The following CCDC60 variants were observed in gnomAD, a reference collection of about 807,000 sequenced individuals.
CCDC60 encodes coiled-coil domain containing 60, also known as coiled-coil domain-containing protein 60.
A neutral mutation model predicts 63.5 loss-of-function variants in CCDC60; 54 were observed. The observed-to-expected ratio is 0.85, with a 90% CI of 0.68 to 1.07. The LOEUF (loss-of-function observed/expected upper bound fraction) is 1.07. Ranked by LOEUF, CCDC60 falls within the 50% of genes least tolerant of loss-of-function variation. CCDC60 has a pLI of 0.00. For missense variants in CCDC60, 651 were observed against 684.3 expected, an observed-to-expected ratio of 0.95 and a Z score of 0.54; for synonymous variants, 206 against 238.8, an observed-to-expected ratio of 0.86 and a Z score of 1.27.
chr12:119,462,294 C>T (rs1473183234), intron 2 of CCDC60, among the ~76,000 whole-genome samples: 1 of 152,148 alleles, frequency 6.6e-6, no homozygotes, highest in Non-Finnish European at 1.5e-5. Context: ...TTCCTATTTG[C>T]AGCACCAGGA....
rs116870272 is a variant in CCDC60 at position 119,404,393 on chromosome 12, T to G, written c.91-24290T>G. 4.6e-4 allele frequency among the ~76,000 whole-genome samples: 70 copies of G among 152,276 alleles called. 2 individuals carry two copies. In the East Asian group the frequency reaches 0.011, roughly 24 times the overall value. Reference sequence around the variant, plus strand: ...CCAGCTCCCTCACTCCCACCACAGCTACATCATATGATATCATAACTGCTT... The same window carrying G: ...CCAGCTCCCTCACTCCCACCACAGCGACATCATATGATATCATAACTGCTT... On this transcript the variant is annotated intron_variant, in intron 1 of 13. Transcript: ENST00000327554.
chr12:119,498,888 T>A (rs778944958), intron 5 of CCDC60, among the ~76,000 whole-genome samples: 1 of 152,156 alleles, frequency 6.6e-6, no homozygotes, highest in African/African-American at 2.4e-5. Flanking sequence ...CACTTCCCCA[T>A]AGCCACAAGT....
At chr12:119,505,462 G>A (rs1410118639) in intron 7 of CCDC60, among the ~76,000 whole-genome samples, 159 bp downstream of exon 7, 2 of 152,228 alleles carry the variant, frequency 1.3e-5, no homozygotes, top group Non-Finnish European at 2.9e-5. Context: ...GTTTTCCCCA[G>A]TGGAGATCAG....
At chr12:119,476,515 T>A (rs1013129179) in intron 3 of CCDC60, among the ~76,000 whole-genome samples, 2 of 152,168 alleles carry the variant, frequency 1.3e-5, no homozygotes, top group East Asian at 1.9e-4. Flanking sequence ...TCCAGAATTA[T>A]CCTCAAATTC....
At chr12:119,505,826 G>A (rs113516406) in intron 7 of CCDC60, among the ~76,000 whole-genome samples, 4,630 of 152,270 alleles carry the variant, frequency 0.03, 253 homozygotes, top group African/African-American at 0.1. Flanking sequence ...CTGCACTCCA[G>A]CCTGGGCCAC....
intron 1 of CCDC60, among the ~76,000 whole-genome samples, chr12:119,389,083 A>G (rs1956109518): frequency 6.6e-6 from 1 of 152,204 alleles, no homozygotes; most frequent in Non-Finnish European, 1.5e-5. Context: ...GGCTTCCCAC[A>G]GTAGCACCTG....
At chr12:119,519,418 T>C (rs1256098524) in intron 8 of CCDC60, among the ~76,000 whole-genome samples, 16 of 141,466 alleles carry the variant, frequency 1.1e-4, no homozygotes, top group Non-Finnish European at 2.0e-4. Context: ...TGTGTGTGTG[T>C]GTGTGTGTGT....
intron 2 of CCDC60, among the ~76,000 whole-genome samples, chr12:119,461,206 A>G (rs1029295634): frequency 6.6e-6 from 1 of 152,162 alleles, no homozygotes; most frequent in Non-Finnish European, 1.5e-5. Flanking sequence ...AGCCCTATGT[A>G]CTAGGTACTA....
intron 5 of CCDC60, among the ~76,000 whole-genome samples, chr12:119,490,271 T>C (rs184164671): frequency 4.6e-5 from 7 of 152,338 alleles, no homozygotes; most frequent in East Asian, 1.9e-4. Context: ...TTCAGTGTTT[T>C]TGGTTGGGAT....
chr12:119,442,540 C>T (rs1348550133), intron 2 of CCDC60, among the ~76,000 whole-genome samples: 1 of 152,030 alleles, frequency 6.6e-6, no homozygotes, highest in Non-Finnish European at 1.5e-5. Flanking sequence ...ATGCATTATC[C>T]TCTCTCTCAT....
chr12:119,514,163 T>C (rs1431305780), intron 7 of CCDC60, among the ~76,000 whole-genome samples: 4 of 151,858 alleles, frequency 2.6e-5, no homozygotes, highest in African/African-American at 9.7e-5. Context: ...TGTGGCTTAG[T>C]TTCCTTTTCT....
At chr12:119,525,020 A>G (rs1215892928) in intron 11 of CCDC60, among the ~76,000 whole-genome samples, 1 of 152,036 alleles carries the variant, frequency 6.6e-6, no homozygotes, top group Non-Finnish European at 1.5e-5. Flanking sequence ...GGCACTTACT[A>G]TGTACCAGTC....
At position 119,406,210 on chromosome 12, in the gene CCDC60, G is replaced by T. The variant is rs777933607; in HGVS notation, c.91-22473G>T. On this transcript the variant is annotated intron_variant, in intron 1 of 13. Transcript: ENST00000327554. ...ATATATAGATATATATATATAGAGA[G>T]AGAGAGAGAGAGTTGGGGTCTTCTT... 7.3e-3 allele frequency among the ~76,000 whole-genome samples: 1,102 copies of T among 151,654 alleles called. 3 individuals are homozygous for T. Among genetic ancestry groups the T allele is most frequent in the Admixed American group, 0.012 (185 of 15,174 alleles).
chr12:119,373,705 T>TG (rs1955922422), intron 1 of CCDC60, among the ~76,000 whole-genome samples: 1 of 148,996 alleles, frequency 6.7e-6, no homozygotes, highest in Non-Finnish European at 1.5e-5. Flanking sequence ...TAAAATGAGA[T>TG]GGGGGGCGTC....
chr12:119,477,691 A>G (rs1304065073), intron 3 of CCDC60, among the ~76,000 whole-genome samples: 1 of 152,250 alleles, frequency 6.6e-6, no homozygotes, highest in East Asian at 1.9e-4. Context: ...TGAATTAGAA[A>G]GAAAGGCAGA....
chr12:119,350,781 A>T (rs550575885), intron 1 of CCDC60, among the ~76,000 whole-genome samples: 1 of 152,266 alleles, frequency 6.6e-6, no homozygotes, highest in East Asian at 1.9e-4. Flanking sequence ...GTTTTTCAGA[A>T]GTCCACCCCA....
chr12:119,388,339 G>A (rs985252254), intron 1 of CCDC60: 8 of 152,252 alleles, frequency 5.3e-5, no homozygotes, highest in Non-Finnish European at 8.8e-5. Context: ...CTTGGAGGAA[G>A]AAAGTGAGAG....
chr12:119,491,712 C>CTT (rs34290377), intron 5 of CCDC60, among the ~76,000 whole-genome samples: 54 of 144,608 alleles, frequency 3.7e-4, no homozygotes, highest in African/African-American at 1.2e-3. Flanking sequence ...AAAGCAATAT[C>CTT]TTTTTTTTTT....
chr12:119,474,916 T>C (rs1951143006), intron 3 of CCDC60, among the ~76,000 whole-genome samples: 1 of 152,054 alleles, frequency 6.6e-6, no homozygotes, highest in African/African-American at 2.4e-5. Context: ...AGGCCTGGGG[T>C]ATTGAGTCAG....
Sources: gnomAD v4.1 joint callset for allele counts (sites outside exome capture counted in the v4.1 genomes callset) on GRCh38, gnomAD v4.1.1 for gene constraint, MANE v1.5 for transcripts, NCBI Gene and HGNC (gene_info 2026-07-23, HGNC 2026-07-21) for gene names.